The following ST3GAL6 variants were observed in gnomAD, a reference collection of about 807,000 sequenced individuals.
The protein encoded by ST3GAL6 is ST3 beta-galactoside alpha-2,3-sialyltransferase 6.
ST3GAL6 carries 31 observed loss-of-function variants against 40.5 expected under a neutral mutation model. The ratio of observed to expected loss-of-function variants is 0.77; its 90% confidence interval spans 0.58 to 1.03. The LOEUF is 1.03. Among genes scored for constraint, ST3GAL6 ranks in the 50% least tolerant of loss-of-function variants. The pLI, the probability that ST3GAL6 is intolerant of heterozygous loss-of-function variation, is 0.00. For missense variants in ST3GAL6, 357 were observed against 393.2 expected, an observed-to-expected ratio of 0.91 and a Z score of 0.78; for synonymous variants, 129 against 136.9, an observed-to-expected ratio of 0.94 and a Z score of 0.40.
rs556127768 is a variant in ST3GAL6 at position 98,749,261 on chromosome 3, T to TA, written c.-12+16736dup. On this transcript the variant is annotated intron_variant, in intron 1 of 9. Coordinates refer to the ST3GAL6 transcript ENST00000265261. The stretch of plus-strand genomic sequence containing the variant: ...ATAAATCTAGGATTGTTTCATTTCA[T>TA]AAAAAAATCTATCATATGTATTGAT... Among the ~76,000 whole-genome samples the TA allele has an allele frequency of 3.6e-3, 551 of 152,134 alleles. 2 individuals are homozygous for TA. Among genetic ancestry groups the TA allele is most frequent in the Non-Finnish European group, 6.3e-3 (426 of 67,984 alleles).
intron 1 of ST3GAL6, chr3:98,733,017 G>A: frequency 6.9e-7 from 1 of 1,442,718 alleles, no homozygotes; most frequent in Non-Finnish European, 9.1e-7. Flanking sequence ...CCCGGGTGAG[G>A]GAAATTGGGG....
At chr3:98,760,858 G>A (rs1360344865), upstream of ST3GAL6, among the ~76,000 whole-genome samples, 1 of 152,136 alleles carries the variant, frequency 6.6e-6, no homozygotes, top group Non-Finnish European at 1.5e-5. Flanking sequence ...ATTGTGGTAT[G>A]ACCATACAAT....
intron 5 of ST3GAL6, among the ~76,000 whole-genome samples, chr3:98,782,002 A>G (rs1015758968): frequency 3.9e-5 from 6 of 152,134 alleles, no homozygotes; most frequent in East Asian, 3.9e-4. Context: ...GCCCCCTCCT[A>G]TAGCATATTC....
chr3:98,776,761 CTT>C (rs1211058984), intron 5 of ST3GAL6, among the ~76,000 whole-genome samples: 2 of 152,212 alleles, frequency 1.3e-5, no homozygotes, highest in African/African-American at 4.8e-5. Flanking sequence ...CTTCCATCCT[CTT>C]TGTCCCTTCT....
Position 98,765,311 on chromosome 3 carries a change from G to T in ST3GAL6, c.-12+1872G>T, listed in dbSNP as rs185581984. ...GATAACACCAGGAATGGAACTCTGA[G>T]AAAGAAATGATTGAACCATAAATCT... On this transcript the variant is annotated intron_variant, in intron 1 of 9. Transcript: ENST00000483910. Among the ~76,000 whole-genome samples, 178 of 152,298 alleles carry T rather than the reference G, an allele frequency of 1.2e-3. 2 individuals are homozygous for T. The highest frequency in any genetic ancestry group is 0.011 in the Admixed American group (168 of 15,294).
rs1490575558 is a variant in ST3GAL6 at position 98,794,946 on chromosome 3, A to G, written c.*1185A>G. ...TGGGATTTTTGGATTTAAATGGTAC[A>G]AAAAGAATATCTCATTTTCCCATGA... On this transcript the variant is annotated 3_prime_UTR_variant, in exon 10 of 10. Transcript: ENST00000483910. 6.6e-6 allele frequency: 1 copy of G among 152,172 alleles called. No homozygotes were observed. Among genetic ancestry groups the G allele is most frequent in the Non-Finnish European group, 1.5e-5 (1 of 68,024 alleles). 9.4% of individuals were successfully genotyped at this position (152,172 alleles called of 1,614,324 possible).
At chr3:98,751,335 T>C (rs1253269723) in intron 1 of ST3GAL6, among the ~76,000 whole-genome samples, 1 of 152,206 alleles carries the variant, frequency 6.6e-6, no homozygotes. Flanking sequence ...AAGGAGAGAA[T>C]AATCCTGAGG....
In ST3GAL6 at chr3:98,739,590, G is replaced by A. The variant is rs180964994; in HGVS notation, c.-12+7058G>A. ...AAATATTTAGGCAGGAAACCTAGAA[G>A]GAAGTCTCAAATGCTTTTATTAAAA... On this transcript the variant is annotated intron_variant, in intron 1 of 9. Transcript: ENST00000265261. Among the ~76,000 whole-genome samples, 150 of 152,272 alleles carry A rather than the reference G, an allele frequency of 9.9e-4. 2 individuals are homozygous for A. The highest frequency in any genetic ancestry group is 6.0e-3 in the East Asian group (31 of 5,180).
chr3:98,757,419 C>G (rs1937508157), intron 1 of ST3GAL6, among the ~76,000 whole-genome samples: 1 of 152,152 alleles, frequency 6.6e-6, no homozygotes, highest in Admixed American at 6.5e-5. Flanking sequence ...ACTGGACTTG[C>G]AGAACTCTTG....
Position 98,795,574 on chromosome 3 carries a change from T to TA in ST3GAL6, c.*1814dup, listed in dbSNP as rs1416473393. On this transcript the variant is annotated 3_prime_UTR_variant, in exon 10 of 10. Transcript: ENST00000483910. ...AGTGTGGCTGCTGAAGTTCAATTGATATAAAGTAAATCAGGCTTCAAAAAG... is the reference window on the plus strand; with the variant it reads ...AGTGTGGCTGCTGAAGTTCAATTGATAATAAAGTAAATCAGGCTTCAAAAAG... 2 of 152,080 alleles carry TA rather than the reference T, an allele frequency of 1.3e-5. No individual in the cohort carries two copies. Among genetic ancestry groups the TA allele is most frequent in the South Asian group, 2.1e-4 (1 of 4,818 alleles). 9.4% of individuals were successfully genotyped at this position (152,080 alleles called of 1,614,324 possible).
intron 8 of ST3GAL6, among the ~76,000 whole-genome samples, chr3:98,789,187 A>G (rs1040197084): frequency 2.6e-5 from 4 of 152,216 alleles, no homozygotes; most frequent in African/African-American, 9.6e-5. Flanking sequence ...AAGTAGGGAA[A>G]AATCCAAAGA....
chr3:98,732,776 G>A, intron 1 of ST3GAL6: 1 of 1,312,316 alleles, frequency 7.6e-7, no homozygotes, highest in Non-Finnish European at 1.0e-6. Context: ...TCCCCCGCCA[G>A]ATCCGCGGGG....
intron 1 of ST3GAL6, among the ~76,000 whole-genome samples, chr3:98,739,620 ATGC>A (rs1935888775): frequency 6.6e-6 from 1 of 152,238 alleles, no homozygotes; most frequent in Non-Finnish European, 1.5e-5. Context: ...TTAAAATCTT[ATGC>A]AACTTTAATA....
chr3:98,794,572 T>TAAC lies in ST3GAL6; in HGVS notation c.*813_*815dup, dbSNP rs1941460580. ...AGTAAATTAGGAAAGGTAAAGAAGA[T>TAAC]AACAGAACAAGTAAACACTTAAGAA... On this transcript the variant is annotated 3_prime_UTR_variant, in exon 10 of 10. Transcript: ENST00000483910. 6.6e-6 allele frequency: 1 copy of TAAC among 151,986 alleles called. No individual in the cohort carries two copies. The highest frequency in any genetic ancestry group is 2.1e-4 in the South Asian group (1 of 4,832). 9.4% of individuals were successfully genotyped at this position (151,986 alleles called of 1,614,324 possible). A position where few individuals can be genotyped will look rare whatever the true frequency, so the allele number is the denominator to read the frequency against.
chr3:98,784,839 C>T (rs704585), intron 5 of ST3GAL6, 106 bp from the exon 6 acceptor site: 457,007 of 811,990 alleles, frequency 0.56, 130,795 homozygotes, highest in East Asian at 0.8. Context: ...TTTCTACTTG[C>T]GCAACAAGTG....
At chr3:98,752,761 G>A (rs758385560) in intron 1 of ST3GAL6, among the ~76,000 whole-genome samples, 4 of 152,168 alleles carry the variant, frequency 2.6e-5, no homozygotes, top group African/African-American at 4.8e-5. Context: ...GTGAGCCACC[G>A]CGCCCAGCTG....
At chr3:98,772,306 G>A (rs1475941515) in intron 3 of ST3GAL6, 1 of 152,426 alleles carries the variant, frequency 6.6e-6, no homozygotes, top group Admixed American at 6.5e-5. Flanking sequence ...GAAACCTGGA[G>A]CTTTTATCTT....
At chr3:98,793,600 A>ATAAAG (rs1412570693) in intron 9 of ST3GAL6, 75 bp from the exon 10 acceptor site, 1 of 876,874 alleles carries the variant, frequency 1.1e-6, no homozygotes, top group East Asian at 2.9e-5. Context: ...TTTTTTAGAT[A>ATAAAG]TAAAGTACTC....
upstream of ST3GAL6, among the ~76,000 whole-genome samples, chr3:98,758,513 A>G (rs1402623214): frequency 1.3e-5 from 2 of 152,246 alleles, no homozygotes; most frequent in African/African-American, 2.4e-5. Context: ...TATGGTTTCT[A>G]TAGCCAGAAA....
Sources: gnomAD v4.1 joint callset for allele counts (sites outside exome capture counted in the v4.1 genomes callset) on GRCh38, gnomAD v4.1.1 for gene constraint, MANE v1.5 for transcripts, NCBI Gene and HGNC (gene_info 2026-07-23, HGNC 2026-07-21) for gene names.